RBMS3: variants seen among roughly 807,000 people sequenced by gnomAD.
RBMS3 encodes RNA-binding motif, single-stranded-interacting protein 3.
In RBMS3, 27 loss-of-function variants were observed where a neutral mutation model predicts 66.8. The ratio of observed to expected loss-of-function variants is 0.40; its 90% CI spans 0.30 to 0.56. The LOEUF (loss-of-function observed/expected upper bound fraction) is 0.56. Ranked by LOEUF, RBMS3 falls within the 20% of genes least tolerant of loss-of-function variation. The probability of loss-of-function intolerance (pLI) is 0.40; values close to 1 mark genes in which losing one functional copy is unlikely to be tolerated. For synonymous variants in RBMS3, 188 were observed against 183.0 expected, an observed-to-expected ratio of 1.03 and a Z score of -0.22; for missense variants, 513 against 549.5, an observed-to-expected ratio of 0.93 and a Z score of 0.66.
intron 3 of RBMS3, among the ~76,000 whole-genome samples, chr3:29,580,655 G>A (rs1183488771): frequency 1.3e-5 from 2 of 149,696 alleles, no homozygotes; most frequent in African/African-American, 4.9e-5. Context: ...TTCCTTGTAT[G>A]TAGTAGATGC....
At chr3:29,921,669 A>G (rs576502724) in intron 10 of RBMS3, among the ~76,000 whole-genome samples, 1 of 152,198 alleles carries the variant, frequency 6.6e-6, no homozygotes, top group Non-Finnish European at 1.5e-5. Context: ...AAATGTAATT[A>G]TAGCCAACTC....
intron 6 of RBMS3, among the ~76,000 whole-genome samples, chr3:29,778,443 T>C (rs1451442509): frequency 6.6e-6 from 1 of 151,222 alleles, no homozygotes; most frequent in East Asian, 1.9e-4. Flanking sequence ...TTTTTTTTTT[T>C]GTGCAAGGGG....
intron 12 of RBMS3, among the ~76,000 whole-genome samples, chr3:29,962,551 C>CTATATATATATATATATATATATATATAT (rs1553708691): frequency 1.5e-5 from 2 of 135,208 alleles, no homozygotes; most frequent in African/African-American, 6.2e-5. Context: ...GGTCAAGACT[C>CTATATATATATATATATATATATATATAT]ATATATATAT....
At chr3:29,310,937 A>C (rs568810644) in intron 1 of RBMS3, among the ~76,000 whole-genome samples, 83 of 151,908 alleles carry the variant, frequency 5.5e-4, no homozygotes, top group African/African-American at 1.9e-3. Context: ...AGCTAAGCAA[A>C]CCAAAACAAA....
chr3:29,815,538 CA>C (rs1219077800), intron 6 of RBMS3, among the ~76,000 whole-genome samples: 2 of 151,904 alleles, frequency 1.3e-5, no homozygotes, highest in Admixed American at 6.6e-5. Flanking sequence ...AAATTAGGAA[CA>C]GGGGGTTGTC....
chr3:29,744,301 A>C (rs1185407554), intron 5 of RBMS3, among the ~76,000 whole-genome samples: 2 of 152,204 alleles, frequency 1.3e-5, no homozygotes, highest in Non-Finnish European at 2.9e-5. Context: ...TAAATAAATG[A>C]AATCACTTTA....
At chr3:29,883,222 C>T (rs938519276) in intron 7 of RBMS3, among the ~76,000 whole-genome samples, 2 of 151,970 alleles carry the variant, frequency 1.3e-5, no homozygotes, top group African/African-American at 4.8e-5. Context: ...GATATTGATA[C>T]TCAGGTCTAA....
chr3:29,519,319 T>A (rs911188264), intron 3 of RBMS3, among the ~76,000 whole-genome samples: 1 of 152,076 alleles, frequency 6.6e-6, no homozygotes, highest in Admixed American at 6.6e-5. Flanking sequence ...ATTGAGGGAA[T>A]TCAAGAAGGG....
chr3:29,619,515 C>G (rs78675041), intron 4 of RBMS3, among the ~76,000 whole-genome samples: 2,138 of 152,196 alleles, frequency 0.014, 35 homozygotes, highest in African/African-American at 0.04. Context: ...CTTTTTAAGA[C>G]ACCAGATGGG....
chr3:29,861,103 T>C (rs776482771), intron 6 of RBMS3, among the ~76,000 whole-genome samples: 4 of 152,080 alleles, frequency 2.6e-5, no homozygotes, highest in African/African-American at 4.8e-5. Flanking sequence ...GACCTCGTGA[T>C]CATTTGTTTC....
At position 29,673,627 on chromosome 3, in the gene RBMS3, T is replaced by G. The variant is rs182769308; in HGVS notation, c.400-66093T>G. 2.2e-3 allele frequency among the ~76,000 whole-genome samples: 327 copies of G among 151,996 alleles called. 7 individuals carry two copies. The highest frequency in any genetic ancestry group is 0.02 in the Admixed American group (301 of 15,288). On this transcript the variant is annotated intron_variant, in intron 4 of 14. Coordinates refer to ENST00000383767, the MANE Select transcript of RBMS3 (RefSeq NM_001003793.3). ...ACCATCAGAGAATACTGTAAACACC[T>G]CTATGCAAATAAACTAGAAAATCTA...
rs1315745481 is a variant in RBMS3 at position 29,553,064 on chromosome 3, T to C, written c.308-34050T>C. On this transcript the variant is annotated intron_variant, in intron 3 of 14. Coordinates refer to ENST00000383767, the MANE Select transcript of RBMS3 (RefSeq NM_001003793.3). ...CAGCCTCATAGGCAGTTTTGAGCATTAAGTACGTTCATATCTGTGAATTGC... is the reference window on the plus strand; with the variant it reads ...CAGCCTCATAGGCAGTTTTGAGCATCAAGTACGTTCATATCTGTGAATTGC... 4.6e-5 allele frequency among the ~76,000 whole-genome samples: 7 copies of C among 152,324 alleles called. No individual in the cohort carries two copies. In the East Asian group the frequency reaches 1.4e-3, roughly 29 times the overall value.
chr3:29,543,793 T>C (rs1049680183), intron 3 of RBMS3, among the ~76,000 whole-genome samples: 2 of 152,208 alleles, frequency 1.3e-5, no homozygotes, highest in African/African-American at 4.8e-5. Context: ...GCTTAAGGTG[T>C]GTTCTGTAAC....
chr3:29,466,915 A>G (rs1431470559), intron 2 of RBMS3, among the ~76,000 whole-genome samples: 1 of 152,158 alleles, frequency 6.6e-6, no homozygotes, highest in Non-Finnish European at 1.5e-5. Flanking sequence ...GGTGCCAGTG[A>G]AATTTAGCTG....
At chr3:29,870,106 G>A (rs2059454004) in intron 7 of RBMS3, among the ~76,000 whole-genome samples, 1 of 152,078 alleles carries the variant, frequency 6.6e-6, no homozygotes, top group Admixed American at 6.6e-5. Flanking sequence ...AATCATCACT[G>A]AGCATCAAAA....
intron 6 of RBMS3, among the ~76,000 whole-genome samples, 176 bp from the exon 7 acceptor site, chr3:29,868,682 C>T (rs2059417674): frequency 6.6e-6 from 1 of 151,986 alleles, no homozygotes; most frequent in Admixed American, 6.6e-5. Context: ...TTTTTTGAAG[C>T]CCAGTTAGTT....
chr3:29,669,270 C>T (rs968472735), intron 4 of RBMS3, among the ~76,000 whole-genome samples: 2 of 152,190 alleles, frequency 1.3e-5, no homozygotes, highest in Non-Finnish European at 2.9e-5. Context: ...TACTTCACTC[C>T]CTCAATAAAT....
In RBMS3 at chr3:29,281,094, C is replaced by G. The variant is rs546192979; in HGVS notation, c.-588C>G. The G allele has an allele frequency of 7.0e-6, 1 of 143,876 alleles. No individual in the cohort carries two copies. Among genetic ancestry groups the G allele is most frequent in the East Asian group, 2.0e-4 (1 of 4,946 alleles). The allele number at this position is 143,876 out of a possible 1,614,324, so 8.9% of individuals were successfully genotyped here. On this transcript the variant is annotated 5_prime_UTR_variant, in exon 1 of 15. Transcript: ENST00000383767. ...CCATGTCACTCTGGGAGGGAGACAGCAGCAACTAAGCTGTACAAGGTTTTT... is the reference window on the plus strand; with the variant it reads ...CCATGTCACTCTGGGAGGGAGACAGGAGCAACTAAGCTGTACAAGGTTTTT...
At chr3:29,863,770 C>T (rs1348786811) in intron 6 of RBMS3, among the ~76,000 whole-genome samples, 1 of 152,114 alleles carries the variant, frequency 6.6e-6, no homozygotes, top group Non-Finnish European at 1.5e-5. Flanking sequence ...TTAAGGTAGG[C>T]TTAAAATCCA....
Sources: gnomAD v4.1 joint callset for allele counts (sites outside exome capture counted in the v4.1 genomes callset) on GRCh38, gnomAD v4.1.1 for gene constraint, MANE v1.5 for transcripts, NCBI Gene and HGNC (gene_info 2026-07-23, HGNC 2026-07-21) for gene names.